The following ITGA9 variants were observed in gnomAD, a reference collection of about 807,000 sequenced individuals.
ITGA9 encodes integrin subunit alpha 9, also known as integrin alpha-9.
ITGA9 carries 56 observed loss-of-function variants against 127.8 expected under a neutral mutation model. The ratio of observed to expected loss-of-function variants is 0.44; its 90% confidence interval spans 0.35 to 0.55. ITGA9 has a LOEUF of 0.55. ITGA9 is among the 20% of genes least tolerant of loss of function. The pLI is 0.00. For missense variants in ITGA9, 1,196 were observed against 1,347.1 expected (o/e 0.89, Z 1.76); for synonymous variants, 508 against 514.5 (o/e 0.99, Z 0.17).
chr3:37,567,424 C>T (rs181533514), intron 15 of ITGA9, among the ~76,000 whole-genome samples: 93 of 152,194 alleles, frequency 6.1e-4, no homozygotes, highest in African/African-American at 1.8e-3. Flanking sequence ...CATATCATTC[C>T]GCCCCGGCCC....
chr3:37,623,508 G>A (rs778097411), intron 15 of ITGA9, among the ~76,000 whole-genome samples: 1 of 152,184 alleles, frequency 6.6e-6, no homozygotes, highest in Non-Finnish European at 1.5e-5. Flanking sequence ...AAATGTTGGG[G>A]TTACCTCCAC....
At chr3:37,547,283 G>A (rs189800720) in intron 15 of ITGA9, among the ~76,000 whole-genome samples, 2 of 152,346 alleles carry the variant, frequency 1.3e-5, no homozygotes, top group Admixed American at 1.3e-4. Context: ...CTATGTTCCT[G>A]AAGGATTTTT....
intron 16 of ITGA9, among the ~76,000 whole-genome samples, chr3:37,641,609 T>C (rs1237698536): frequency 2.6e-5 from 4 of 152,124 alleles, no homozygotes; most frequent in Non-Finnish European, 5.9e-5. Context: ...CCATCATTTG[T>C]CACCTAGACC....
intron 11 of ITGA9, among the ~76,000 whole-genome samples, chr3:37,522,913 A>G (rs1032964020): frequency 6.6e-6 from 1 of 152,160 alleles, no homozygotes; most frequent in Non-Finnish European, 1.5e-5. Flanking sequence ...GTTCAGGACC[A>G]TGGAGTTCTA....
intron 23 of ITGA9, among the ~76,000 whole-genome samples, chr3:37,756,489 T>C (rs1348423282): frequency 6.6e-6 from 1 of 152,196 alleles, no homozygotes; most frequent in Non-Finnish European, 1.5e-5. Flanking sequence ...TGCGATCATT[T>C]ATATAGAGAC....
At chr3:37,567,657 A>G (rs1239650871) in intron 15 of ITGA9, among the ~76,000 whole-genome samples, 1 of 152,080 alleles carries the variant, frequency 6.6e-6, no homozygotes, top group African/African-American at 2.4e-5. Context: ...CTCATTCCAA[A>G]TGGGAAAAAT....
intron 4 of ITGA9, among the ~76,000 whole-genome samples, chr3:37,493,639 G>A (rs554907177): frequency 1.3e-5 from 2 of 151,698 alleles, no homozygotes; most frequent in African/African-American, 4.9e-5. Flanking sequence ...TAGAATCCTG[G>A]CATTGCCATT....
In ITGA9 at chr3:37,727,435, A is replaced by G. The variant is rs936111268; in HGVS notation, c.2068-5277A>G. 2.0e-5 allele frequency among the ~76,000 whole-genome samples: 3 copies of G among 152,354 alleles called. No individual in the cohort carries two copies. In the Middle Eastern group the frequency reaches 0.01, roughly 518 times the overall value. On this transcript the variant is annotated intron_variant, in intron 18 of 27. Coordinates refer to ENST00000264741, the MANE Select transcript of ITGA9 (RefSeq NM_002207.3). ...GTCTAAAATTTTATAATAAAAATGT[A>G]TTTTAAAAGTTTTGATTGAGACTTT...
Position 37,623,100 on chromosome 3 carries a change from A to G in ITGA9, c.1690-6087A>G, listed in dbSNP as rs958340784. ...GATTTCATTCACAATCCTATAAATT[A>G]AAAAGCAAACAACTTCTGGGTCACT... On this transcript the variant is annotated intron_variant, in intron 15 of 27. Coordinates refer to ENST00000264741, the MANE Select transcript of ITGA9 (RefSeq NM_002207.3). Among the ~76,000 whole-genome samples the G allele has an allele frequency of 3.3e-5, 5 of 152,310 alleles. No individual in the cohort carries two copies. The South Asian group carries it at 1.0e-3, about 32-fold the overall frequency.
At chr3:37,710,248 C>T (rs753034939) in intron 18 of ITGA9, among the ~76,000 whole-genome samples, 5 of 152,120 alleles carry the variant, frequency 3.3e-5, no homozygotes, top group Admixed American at 6.5e-5. Flanking sequence ...GTTTGCTCCA[C>T]GTTACAAAGC....
intron 4 of ITGA9, among the ~76,000 whole-genome samples, chr3:37,488,746 C>G (rs1698636715): frequency 6.6e-6 from 1 of 150,496 alleles, no homozygotes; most frequent in Non-Finnish European, 1.5e-5. Flanking sequence ...TGTGGTGAGC[C>G]AGGATTGCAT....
At chr3:37,818,191 T>TTAAAAAAAAAAAAAAAAAA (rs1553674108) in intron 27 of ITGA9, 3 of 31,970 alleles carry the variant, frequency 9.4e-5, no homozygotes, top group African/African-American at 2.8e-4. Context: ...TAAGACTCTC[T>TTAAAAAAAAAAAAAAAAAA]AAAAAAAAAA....
chr3:37,633,489 G>A (rs78017828), intron 16 of ITGA9, among the ~76,000 whole-genome samples: 10,598 of 152,194 alleles, frequency 0.07, 417 homozygotes, highest in Middle Eastern at 0.14. Flanking sequence ...TTACAATAAA[G>A]TGTTGAATAT....
intron 22 of ITGA9, among the ~76,000 whole-genome samples, chr3:37,746,608 C>A (rs1342010783): frequency 6.6e-6 from 1 of 152,148 alleles, no homozygotes; most frequent in Non-Finnish European, 1.5e-5. Context: ...CATTGCTTAC[C>A]CCATTCATGC....
At chr3:37,654,190 C>CA (rs1700455091) in intron 17 of ITGA9, among the ~76,000 whole-genome samples, 100 of 146,404 alleles carry the variant, frequency 6.8e-4, no homozygotes, top group African/African-American at 2.4e-3. Context: ...CCTCCTGCCT[C>CA]CACACACACA....
intron 5 of ITGA9, among the ~76,000 whole-genome samples, chr3:37,497,318 A>T (rs1463428471): frequency 7.2e-6 from 1 of 139,308 alleles, no homozygotes; most frequent in African/African-American, 2.6e-5. Flanking sequence ...CATTTGGCCA[A>T]ATCTATCAGT....
At chr3:37,491,211 A>T (rs909541616) in intron 4 of ITGA9, among the ~76,000 whole-genome samples, 4 of 151,990 alleles carry the variant, frequency 2.6e-5, no homozygotes, top group African/African-American at 9.7e-5. Context: ...TCCTGGACTC[A>T]AGTGATCTGC....
chr3:37,628,083 A>C (rs563011496), intron 15 of ITGA9, among the ~76,000 whole-genome samples: 181 of 152,234 alleles, frequency 1.2e-3, no homozygotes, highest in African/African-American at 4.3e-3. Flanking sequence ...GAGTAGTATG[A>C]AGTCCTCATC....
intron 18 of ITGA9, among the ~76,000 whole-genome samples, chr3:37,724,265 A>C (rs1701223096): frequency 1.3e-5 from 2 of 152,148 alleles, no homozygotes; most frequent in South Asian, 4.1e-4. Flanking sequence ...CTCCCATCAC[A>C]GTATTCCACC....
Sources: allele counts gnomAD v4.1 joint callset (sites outside exome capture counted in the v4.1 genomes callset), GRCh38; gene constraint gnomAD v4.1.1; transcripts MANE v1.5; gene names NCBI Gene and HGNC (gene_info 2026-07-23, HGNC 2026-07-21).